The following NXPH1 variants were observed in gnomAD, a reference collection of about 807,000 sequenced individuals.
NXPH1 encodes the protein neurexophilin-1.
Under a neutral mutation model 23.7 loss-of-function variants are expected in NXPH1, and 5 were observed. That is an observed-to-expected ratio of 0.21 (90% CI 0.11 to 0.44). The LOEUF (loss-of-function observed/expected upper bound fraction) is 0.44. Among genes scored for constraint, NXPH1 ranks in the 20% least tolerant of loss-of-function variants. NXPH1 has a pLI of 0.99. For missense variants in NXPH1, 324 were observed against 321.6 expected (o/e 1.01, Z -0.06); for synonymous variants, 144 against 122.2 (o/e 1.18, Z -1.18).
At chr7:8,714,904 G>A (rs1562463102) in intron 2 of NXPH1, among the ~76,000 whole-genome samples, 1 of 152,166 alleles carries the variant, frequency 6.6e-6, no homozygotes, top group Non-Finnish European at 1.5e-5. Flanking sequence ...GCCCTGCCTG[G>A]GGTTGGGGGA....
intron 2 of NXPH1, among the ~76,000 whole-genome samples, chr7:8,723,133 C>A (rs529605681): frequency 6.6e-6 from 1 of 152,244 alleles, no homozygotes; most frequent in South Asian, 2.1e-4. Context: ...ATTTTAAAAA[C>A]CCCACTGCAT....
intron 2 of NXPH1, among the ~76,000 whole-genome samples, chr7:8,687,268 G>A (rs1384870205): frequency 6.6e-6 from 1 of 152,058 alleles, no homozygotes; most frequent in Non-Finnish European, 1.5e-5. Context: ...CTGCCTGAGT[G>A]AGCTTTTGGA....
intron 2 of NXPH1, among the ~76,000 whole-genome samples, chr7:8,737,174 T>A (rs1402058848): frequency 1.3e-5 from 2 of 152,288 alleles, no homozygotes; most frequent in Non-Finnish European, 2.9e-5. Context: ...CATGTCAGTA[T>A]GATGCTAGCT....
At chr7:8,708,031 T>G (rs1779730256) in intron 2 of NXPH1, among the ~76,000 whole-genome samples, 1 of 152,186 alleles carries the variant, frequency 6.6e-6, no homozygotes, top group South Asian at 2.1e-4. Flanking sequence ...CTCATATATA[T>G]GAATATGCAA....
chr7:8,598,205 A>G (rs1178792618), intron 2 of NXPH1, among the ~76,000 whole-genome samples: 1 of 152,044 alleles, frequency 6.6e-6, no homozygotes, highest in East Asian at 1.9e-4. Flanking sequence ...TTGTTCAATT[A>G]TTTTCTCCCA....
chr7:8,488,261 T>C (rs1817191520), intron 2 of NXPH1, among the ~76,000 whole-genome samples: 1 of 152,024 alleles, frequency 6.6e-6, no homozygotes, highest in Non-Finnish European at 1.5e-5. Flanking sequence ...ACATCTTACA[T>C]ACTACATCTT....
intron 2 of NXPH1, among the ~76,000 whole-genome samples, chr7:8,629,357 G>A (rs10085502): frequency 0.27 from 41,761 of 151,882 alleles, 6,201 homozygotes; most frequent in African/African-American, 0.35. Flanking sequence ...GTTTATTTTT[G>A]AGCTGAGACC....
intron 2 of NXPH1, among the ~76,000 whole-genome samples, chr7:8,554,844 A>T (rs1276033587): frequency 6.6e-6 from 1 of 151,740 alleles, no homozygotes; most frequent in African/African-American, 2.4e-5. Context: ...TGAAAGAAAC[A>T]ATCAAGACCT....
intron 2 of NXPH1, among the ~76,000 whole-genome samples, chr7:8,724,606 T>TG (rs1306640309): frequency 6.6e-6 from 1 of 152,276 alleles, no homozygotes. Flanking sequence ...TTTGAGGTTA[T>TG]GTCTGCCTCA....
chr7:8,677,830 T>G (rs1820977234), intron 2 of NXPH1, among the ~76,000 whole-genome samples: 1 of 60,204 alleles, frequency 1.7e-5, no homozygotes, highest in South Asian at 7.2e-4. Flanking sequence ...ATTTGAAACT[T>G]ATAAAATGAC....
chr7:8,536,653 A>T (rs1818031609), intron 2 of NXPH1, among the ~76,000 whole-genome samples: 1 of 151,914 alleles, frequency 6.6e-6, no homozygotes, highest in Non-Finnish European at 1.5e-5. Context: ...TCTTAGAGAC[A>T]TTCTGGTTGC....
At chr7:8,560,054 T>G (rs1411831712) in intron 2 of NXPH1, among the ~76,000 whole-genome samples, 4 of 151,742 alleles carry the variant, frequency 2.6e-5, no homozygotes, top group African/African-American at 4.8e-5. Flanking sequence ...AGGACTCCTT[T>G]TCATTTTACT....
At chr7:8,452,220 A>G (rs1816519041) in intron 2 of NXPH1, among the ~76,000 whole-genome samples, 1 of 152,338 alleles carries the variant, frequency 6.6e-6, no homozygotes, top group Non-Finnish European at 1.5e-5. Flanking sequence ...TGAGAAGAAT[A>G]TCTGAAACAT....
intron 2 of NXPH1, among the ~76,000 whole-genome samples, chr7:8,499,451 C>G (rs1429303592): frequency 2.0e-5 from 3 of 152,158 alleles, no homozygotes; most frequent in East Asian, 1.9e-4. Context: ...CTGAGCTATA[C>G]CAGCCTACAA....
At chr7:8,659,914 T>G (rs1820645500) in intron 2 of NXPH1, among the ~76,000 whole-genome samples, 1 of 152,148 alleles carries the variant, frequency 6.6e-6, no homozygotes, top group South Asian at 2.1e-4. Context: ...TAGGGATGTG[T>G]GAATGATTGT....
chr7:8,519,301 T>C (rs1817733314), intron 2 of NXPH1, among the ~76,000 whole-genome samples: 1 of 152,156 alleles, frequency 6.6e-6, no homozygotes, highest in Non-Finnish European at 1.5e-5. Flanking sequence ...GACACAAACA[T>C]TAATTAAAGT....
intron 2 of NXPH1, among the ~76,000 whole-genome samples, chr7:8,601,041 T>C (rs1309976635): frequency 1.3e-5 from 2 of 152,132 alleles, no homozygotes; most frequent in Admixed American, 6.6e-5. Context: ...TGGAAGGATA[T>C]GCATAATTTA....
At chr7:8,462,579 A>G (rs2128607059) in intron 2 of NXPH1, among the ~76,000 whole-genome samples, 1 of 152,338 alleles carries the variant, frequency 6.6e-6, no homozygotes, top group African/African-American at 2.4e-5. Flanking sequence ...CTGGCTCCAC[A>G]GACTGCTCTT....
chr7:8,726,556 A>G (rs1215022091), intron 2 of NXPH1, among the ~76,000 whole-genome samples: 19 of 138,604 alleles, frequency 1.4e-4, no homozygotes, highest in Admixed American at 3.1e-4. Flanking sequence ...TCATTGTTCA[A>G]TTCCCACCTA....
Sources: gnomAD v4.1 joint callset for allele counts (sites outside exome capture counted in the v4.1 genomes callset) on GRCh38, gnomAD v4.1.1 for gene constraint, MANE v1.5 for transcripts, NCBI Gene and HGNC (gene_info 2026-07-23, HGNC 2026-07-21) for gene names.